TRIM49: variants seen among roughly 807,000 people sequenced by gnomAD.
The protein encoded by TRIM49 is tripartite motif-containing protein 49.
In TRIM49, 5 loss-of-function variants were observed where a neutral mutation model predicts 27.4. The observed-to-expected ratio is 0.18, with a 90% confidence interval of 0.10 to 0.38. TRIM49 has a LOEUF of 0.38. Among genes scored for constraint, TRIM49 ranks in the 10% least tolerant of loss-of-function variants. The pLI is 1.00. For missense variants in TRIM49, 188 were observed against 487.5 expected (o/e 0.39, Z 5.79); for synonymous variants, 69 against 166.0 (o/e 0.42, Z 4.49).
At chr11:89,794,585 A>C (rs1011841589), downstream of TRIM49, among the ~76,000 whole-genome samples, 1 of 150,346 alleles carries the variant, frequency 6.7e-6, no homozygotes, top group African/African-American at 2.4e-5. Context: ...ATAATGCCAC[A>C]TATCTACAAC....
At chr11:89,772,635 A>G in the TRIM49 span, among the ~76,000 whole-genome samples, 1 of 133,832 alleles carries the variant, frequency 7.5e-6, no homozygotes, top group African/African-American at 3.6e-5. Flanking sequence ...CCTAATAAGA[A>G]GTTTGCTTCC....
chr11:89,783,371 A>C, the TRIM49 span, among the ~76,000 whole-genome samples: 1 of 97,782 alleles, frequency 1.0e-5, no homozygotes, highest in Non-Finnish European at 2.0e-5. Context: ...TCCAAAATGT[A>C]CGTAACAAAA....
chr11:89,777,233 T>C, the TRIM49 span: 1 of 1,548,450 alleles, frequency 6.5e-7, no homozygotes, highest in Non-Finnish European at 8.7e-7. Context: ...CCTCAGAACA[T>C]CAACAGCTCA....
chr11:89,786,610 G>A, the TRIM49 span, among the ~76,000 whole-genome samples: 2 of 134,600 alleles, frequency 1.5e-5, no homozygotes, highest in Non-Finnish European at 3.1e-5. Context: ...TCCTGGTGAG[G>A]CTGATGCCGC....
At chr11:89,802,470 A>G (rs1280797834) in intron 4 of TRIM49, among the ~76,000 whole-genome samples, 3 of 150,874 alleles carry the variant, frequency 2.0e-5, no homozygotes, top group South Asian at 4.2e-4. Flanking sequence ...CCAGTCTGAA[A>G]CATAGACTTC....
chr11:89,804,602 T>G, intron 2 of TRIM49, 129 bp from the exon 3 acceptor site: 1 of 1,121,002 alleles, frequency 8.9e-7, no homozygotes, highest in South Asian at 1.6e-5. Context: ...AAACTATTTC[T>G]TCTGTTACAA....
the TRIM49 span, among the ~76,000 whole-genome samples, chr11:89,778,314 T>A: frequency 1.3e-5 from 2 of 152,034 alleles, no homozygotes; most frequent in African/African-American, 4.8e-5. Context: ...GTGAGGAAGA[T>A]GAAAGAAATA....
At chr11:89,804,801 G>C (rs1240270626) in intron 2 of TRIM49, among the ~76,000 whole-genome samples, 2 of 151,366 alleles carry the variant, frequency 1.3e-5, no homozygotes, top group African/African-American at 2.4e-5. Flanking sequence ...AATCATAGTT[G>C]TCCCTATTCT....
At chr11:89,800,456 A>T (rs1420445359) in intron 6 of TRIM49, among the ~76,000 whole-genome samples, 1 of 151,668 alleles carries the variant, frequency 6.6e-6, no homozygotes, top group Non-Finnish European at 1.5e-5. Flanking sequence ...ATAAAACAAA[A>T]TCAGGGGCCG....
At chr11:89,785,191 C>A in the TRIM49 span, among the ~76,000 whole-genome samples, 1 of 143,962 alleles carries the variant, frequency 6.9e-6, no homozygotes. Context: ...TGCACTCTAG[C>A]CTCGGTGACA....
At chr11:89,784,848 GT>G in the TRIM49 span, among the ~76,000 whole-genome samples, 1 of 146,112 alleles carries the variant, frequency 6.8e-6, no homozygotes, top group Non-Finnish European at 1.5e-5. Context: ...AGATGAAAAA[GT>G]TTTTGTGTCT....
At chr11:89,777,443 A>C in the TRIM49 span, 1 of 1,528,996 alleles carries the variant, frequency 6.5e-7, no homozygotes, top group East Asian at 2.5e-5. Flanking sequence ...AAGAATGATG[A>C]GGGCCTGTGA....
chr11:89,774,335 A>G, the TRIM49 span, among the ~76,000 whole-genome samples: 1 of 151,050 alleles, frequency 6.6e-6, no homozygotes, highest in African/African-American at 2.5e-5. Context: ...AAACTGTGTT[A>G]AGTCAACTTT....
chr11:89,791,330 T>G, the TRIM49 span, among the ~76,000 whole-genome samples: 2 of 152,170 alleles, frequency 1.3e-5, no homozygotes, highest in Non-Finnish European at 2.9e-5. Context: ...CAGGATATTA[T>G]CCAGGAGAAC....
At chr11:89,773,190 C>CA in the TRIM49 span, among the ~76,000 whole-genome samples, 3 of 130,354 alleles carry the variant, frequency 2.3e-5, no homozygotes, top group East Asian at 2.1e-4. Flanking sequence ...GACTGCGTCT[C>CA]AAAAAAAAAG....
chr11:89,770,487 C>T, the TRIM49 span, among the ~76,000 whole-genome samples: 4 of 141,742 alleles, frequency 2.8e-5, 1 homozygote, highest in African/African-American at 1.2e-4. Context: ...GAAATAGCCA[C>T]GCACCTTCGT....
chr11:89,789,406 G>T, the TRIM49 span: 18 of 123,732 alleles, frequency 1.5e-4, no homozygotes, highest in South Asian at 2.6e-3. Flanking sequence ...CAGCCAGGCA[G>T]TGCCACATGG....
At chr11:89,806,135 G>T (rs1440420181) in intron 2 of TRIM49, among the ~76,000 whole-genome samples, 3 of 149,356 alleles carry the variant, frequency 2.0e-5, no homozygotes, top group Non-Finnish European at 4.5e-5. Context: ...CTACAAACCT[G>T]TACAGTATGT....
chr11:89,797,331 T>C (rs1402824945), downstream of TRIM49, among the ~76,000 whole-genome samples: 1 of 151,782 alleles, frequency 6.6e-6, no homozygotes, highest in Non-Finnish European at 1.5e-5. Context: ...TTGCATAATG[T>C]TTTTTGAAAC....
Sources: gnomAD v4.1 joint callset for allele counts (sites outside exome capture counted in the v4.1 genomes callset) on GRCh38, gnomAD v4.1.1 for gene constraint, MANE v1.5 for transcripts, NCBI Gene and HGNC (gene_info 2026-07-23, HGNC 2026-07-21) for gene names.